The following ITGAV variants were observed in gnomAD, a reference collection of about 807,000 sequenced individuals.
The protein encoded by ITGAV is integrin alpha-V.
ITGAV carries 76 observed loss-of-function variants against 143.8 expected under a neutral mutation model. That is an observed-to-expected ratio of 0.53 (90% CI 0.44 to 0.64). The LOEUF (loss-of-function observed/expected upper bound fraction) is 0.64, where lower values mean the gene tolerates loss of function less well. Ranked by LOEUF, ITGAV falls within the 30% of genes least tolerant of loss-of-function variation. ITGAV has a pLI of 0.00. For missense variants in ITGAV, 1,193 were observed against 1,274.7 expected, an observed-to-expected ratio of 0.94 and a Z score of 0.98; for synonymous variants, 453 against 446.7, an observed-to-expected ratio of 1.01 and a Z score of -0.18.
chr2:186,610,724 T>C (rs1656568068), intron 2 of ITGAV, among the ~76,000 whole-genome samples: 1 of 152,236 alleles, frequency 6.6e-6, no homozygotes, highest in Admixed American at 6.5e-5. Context: ...GGGTATGATT[T>C]CTTTGTTTTA....
chr2:186,590,253 C>G lies in ITGAV; in HGVS notation c.-86C>G. On this transcript the variant is annotated 5_prime_UTR_variant, in exon 1 of 30. Coordinates refer to ENST00000261023, the MANE Select transcript of ITGAV (RefSeq NM_002210.5). ...GCCGGCAAGTTTGGGCGCGCGCAGG[C>G]GGCGGGCCGCGGGCACTGGGCGCCT... is the stretch of plus-strand genomic sequence containing the variant. 5 of 1,192,808 alleles carry G rather than the reference C, an allele frequency of 4.2e-6. No homozygotes were observed. In the South Asian group the frequency reaches 1.2e-4, roughly 28 times the overall value. The allele number at this position is 1,192,808 out of a possible 1,614,324, so 73.9% of individuals were successfully genotyped here. A position where few individuals can be genotyped will look rare whatever the true frequency, so the allele number is the denominator to read the frequency against.
At chr2:186,675,501 T>C (rs1689181638) in intron 26 of ITGAV, 103 bp from the exon 27 acceptor site, 1 of 738,584 alleles carries the variant, frequency 1.4e-6, no homozygotes, top group African/African-American at 1.8e-5. Flanking sequence ...ATCTGGATAA[T>C]CTCTTTGGCC....
chr2:186,669,862 G>C (rs1689016513), intron 26 of ITGAV, 48 bp downstream of exon 26: 1 of 1,264,244 alleles, frequency 7.9e-7, no homozygotes. Flanking sequence ...AAAAATATGT[G>C]ACTATAGAAC....
chr2:186,641,483 G>T lies in ITGAV; in HGVS notation c.1054G>T (p.Ala352Ser). ...VGQVSVSLQR[A>S]SGDFQTTKLN... is the part of the protein sequence containing the mutation. ...GCAGGTCTCAGTGTCTCTACAGAGA[G>T]CTTCAGGAGACTTCCAGACGACAAA... The change falls in exon 12 of 30, where the codon GCT (alanine) becomes TCT (serine). Residue 352 changes from alanine (A) to serine (S), a missense_variant. Physicochemically the swap from Ala to Ser is moderately conservative, Grantham distance 99. Transcript: ENST00000261023. 1 of 1,614,132 alleles carries T rather than the reference G, an allele frequency of 6.2e-7. No homozygotes were observed. Among genetic ancestry groups the T allele is most frequent in the Non-Finnish European group, 8.5e-7 (1 of 1,179,972 alleles).
intron 20 of ITGAV, among the ~76,000 whole-genome samples, chr2:186,664,914 G>A (rs190632258): frequency 3.3e-5 from 5 of 152,120 alleles, no homozygotes; most frequent in African/African-American, 1.2e-4. Flanking sequence ...TTTGTCAGAG[G>A]CTGTATGGTT....
intron 2 of ITGAV, among the ~76,000 whole-genome samples, chr2:186,621,795 G>A (rs1185730066): frequency 6.6e-6 from 1 of 152,124 alleles, no homozygotes; most frequent in African/African-American, 2.4e-5. Flanking sequence ...TCTCAATAGT[G>A]AGGGCTGAAG....
rs754859050 is a variant in ITGAV, at chr2:186,664,562, G to A, written c.1994G>A (p.Gly665Glu). 5.0e-6 allele frequency: 8 copies of A among 1,614,064 alleles called. No homozygotes were observed. The South Asian group carries it at 8.8e-5, about 18-fold the overall frequency. The change falls in exon 20 of 30, where the codon GGA becomes GAA. Residue 665 changes from glycine to glutamate, a missense_variant. Coordinates refer to ENST00000261023, the MANE Select transcript of ITGAV (RefSeq NM_002210.5). The part of the protein sequence containing the change: ...LTLIVKAQNQ[G>E]EGAYEAELIV... ...TTGATTGTTAAGGCTCAGAATCAAG[G>A]AGAAGGTGCCTACGAAGCTGAGCTC...
At chr2:186,622,039 A>G (rs1687540621) in intron 2 of ITGAV, among the ~76,000 whole-genome samples, 1 of 152,202 alleles carries the variant, frequency 6.6e-6, no homozygotes, top group Admixed American at 6.5e-5. Context: ...TTTGTTTAAT[A>G]GTTAATTATC....
intron 5 of ITGAV, among the ~76,000 whole-genome samples, chr2:186,631,316 T>G (rs1358703729): frequency 2.0e-5 from 3 of 152,198 alleles, no homozygotes; most frequent in Non-Finnish European, 2.9e-5. Context: ...TAAGTGAAGC[T>G]GACTTCACTT....
chr2:186,615,077 T>G (rs569980839), intron 2 of ITGAV, among the ~76,000 whole-genome samples: 2 of 152,122 alleles, frequency 1.3e-5, no homozygotes, highest in African/African-American at 2.4e-5. Flanking sequence ...TTTTTGGTTT[T>G]GGATATTTTA....
intron 27 of ITGAV, 28 bp downstream of exon 27, chr2:186,675,745 A>G: frequency 6.4e-7 from 1 of 1,566,888 alleles, no homozygotes; most frequent in Non-Finnish European, 8.8e-7. Context: ...GCATTTAGCA[A>G]ACATACCCAG....
intron 24 of ITGAV, chr2:186,668,448 A>G (rs948802191): frequency 3.7e-6 from 1 of 272,620 alleles, no homozygotes; most frequent in Non-Finnish European, 6.9e-6. Context: ...CACGTTGGCC[A>G]GGCTGGACAT....
rs1688009363 is a variant in ITGAV at position 186,638,468 on chromosome 2, A to G, written c.903+3A>G. The G allele has an allele frequency of 3.1e-6, 5 of 1,607,662 alleles. No homozygotes were observed. Among genetic ancestry groups the G allele is most frequent in the Non-Finnish European group, 3.4e-6 (4 of 1,175,820 alleles). ...TATACAATTTTACTGGCGAGCAGGT[A>G]TGCTTCCAAAATATGATCGTCCTCT... is the stretch of plus-strand genomic sequence containing the variant. On this transcript the variant is annotated splice_donor_region_variant and intron_variant, in intron 10 of 29. Transcript: ENST00000261023.
rs1687945337 is a variant in ITGAV at position 186,636,324 on chromosome 2, C to T, written c.757+117C>T. ...TGAAATAGATTAGGATTTTTTGAAA[C>T]ATACAGAATATACAATTTCAAATTG... On this transcript the variant is annotated intron_variant, in intron 7 of 29. Transcript: ENST00000261023. 3.8e-6 allele frequency: 3 copies of T among 792,022 alleles called. No individual in the cohort carries two copies. The South Asian group carries it at 6.0e-5, about 16-fold the overall frequency. The allele number at this position is 792,022 out of a possible 1,614,324, so 49.1% of individuals were successfully genotyped here.
At chr2:186,632,862 G>C (rs752736818) in intron 5 of ITGAV, among the ~76,000 whole-genome samples, 2 of 152,146 alleles carry the variant, frequency 1.3e-5, no homozygotes, top group Non-Finnish European at 2.9e-5. Context: ...GTATTTTCAT[G>C]TATTGAATGA....
intron 5 of ITGAV, among the ~76,000 whole-genome samples, chr2:186,631,482 CTTTA>C (rs1228985361): frequency 6.6e-6 from 1 of 151,918 alleles, no homozygotes; most frequent in Non-Finnish European, 1.5e-5. Flanking sequence ...AAGTACTTTT[CTTTA>C]TTTACTTTTC....
rs1046496157 is a variant in ITGAV, at chr2:186,677,463, G to A, written c.*171G>A. 8.9e-6 allele frequency: 5 copies of A among 563,460 alleles called. No homozygotes were observed. Among genetic ancestry groups the A allele is most frequent in the Non-Finnish European group, 1.6e-5 (5 of 314,398 alleles). The allele number at this position is 563,460 out of a possible 1,614,324, so 34.9% of individuals were successfully genotyped here. A position where few individuals can be genotyped will look rare whatever the true frequency, so the allele number is the denominator to read the frequency against. ...TTGTCAACCTTCTCCTTATAAATAAGTTCAGACATACATTTAATAACATAG... is the reference window on the plus strand; with the variant it reads ...TTGTCAACCTTCTCCTTATAAATAAATTCAGACATACATTTAATAACATAG... On this transcript the variant is annotated 3_prime_UTR_variant, in exon 30 of 30. Transcript: ENST00000261023.
chr2:186,603,855 G>A (rs936540474), intron 2 of ITGAV, among the ~76,000 whole-genome samples: 16 of 151,476 alleles, frequency 1.1e-4, no homozygotes, highest in African/African-American at 3.9e-4. Flanking sequence ...CTTCTCAGAA[G>A]CAATCACTTT....
At chr2:186,639,873 T>C (rs1688054709) in intron 10 of ITGAV, among the ~76,000 whole-genome samples, 2 of 152,292 alleles carry the variant, frequency 1.3e-5, no homozygotes, top group Admixed American at 1.3e-4. Flanking sequence ...CTAAGGCCCA[T>C]GAATATTATT....
Sources: allele counts gnomAD v4.1 joint callset (sites outside exome capture counted in the v4.1 genomes callset), GRCh38; gene constraint gnomAD v4.1.1; transcripts MANE v1.5; gene names NCBI Gene and HGNC (gene_info 2026-07-23, HGNC 2026-07-21).